AHRR: variants seen among roughly 807,000 people sequenced by gnomAD.
The protein encoded by AHRR is ahR repressor.
AHRR carries 28 observed loss-of-function variants against 44.0 expected under a neutral mutation model. That is an observed-to-expected ratio of 0.64 (90% CI 0.47 to 0.87). AHRR has a LOEUF of 0.87. Among genes scored for constraint, AHRR ranks in the 40% least tolerant of loss-of-function variants. The pLI, the probability that AHRR is intolerant of heterozygous loss-of-function variation, is 0.00. For synonymous variants in AHRR, 434 were observed against 407.0 expected (o/e 1.07, Z -0.80); for missense variants, 990 against 953.9 (o/e 1.04, Z -0.50).
At chr5:375,780 C>T (rs188279386) in intron 3 of AHRR, among the ~76,000 whole-genome samples, 64 of 152,252 alleles carry the variant, frequency 4.2e-4, no homozygotes, top group African/African-American at 1.5e-3. Context: ...GAGGGGTGTC[C>T]CTCCCATGTC....
At chr5:417,791 G>A (rs1307946110) in intron 5 of AHRR, among the ~76,000 whole-genome samples, 1 of 152,200 alleles carries the variant, frequency 6.6e-6, no homozygotes, top group African/African-American at 2.4e-5. Context: ...ATTAAATCAG[G>A]CATTGCCTCT....
rs1055458241 is a variant in AHRR at position 421,241 on chromosome 5, G to C, written c.442-1488G>C. The C allele has an allele frequency of 2.4e-5, 17 of 694,032 alleles. No homozygotes were observed. In the Admixed American group the frequency reaches 3.4e-4, roughly 14 times the overall value. 43.0% of individuals were successfully genotyped at this position (694,032 alleles called of 1,614,324 possible). A position where few individuals can be genotyped will look rare whatever the true frequency, so the allele number is the denominator to read the frequency against. On this transcript the variant is annotated intron_variant, in intron 5 of 10. Transcript: ENST00000684583. ...TCCTCGTCGGCAACGCCCACCCCGC[G>C]GTTCAGCCACGGAGCGGATGCCGTG...
rs753407501 is a variant in AHRR at position 405,635 on chromosome 5, CGGT to C, written c.352-7706_352-7704del. Among the ~76,000 whole-genome samples the C allele has an allele frequency of 2.6e-5, 4 of 152,194 alleles. No homozygotes were observed. In the East Asian group the frequency reaches 7.7e-4, roughly 29 times the overall value. The stretch of plus-strand genomic sequence containing the variant: ...CAAGTGGGCGGCACACCCTTCAGGT[CGGT>C]GGGAGTGAGGGCCTTCGGGTCGCCG... On this transcript the variant is annotated intron_variant, in intron 4 of 10. Coordinates refer to ENST00000684583, the MANE Select transcript of AHRR (RefSeq NM_001377236.1). The surrounding 1 kb of genome is among the most constrained non-coding windows in gnomAD (Gnocchi z 4.5).
At chr5:325,526 G>T (rs1741675643) in intron 1 of AHRR, among the ~76,000 whole-genome samples, 1 of 152,144 alleles carries the variant, frequency 6.6e-6, no homozygotes, top group Non-Finnish European at 1.5e-5. Flanking sequence ...CCTGGTTTCT[G>T]GGAGAAGTGC....
At chr5:324,017 T>TTCTTTC (rs1553975191) in intron 1 of AHRR, among the ~76,000 whole-genome samples, 8 of 142,432 alleles carry the variant, frequency 5.6e-5, no homozygotes, top group South Asian at 2.1e-4. Context: ...CTTTCTTTCT[T>TTCTTTC]TCTTTCTCTC....
intron 5 of AHRR, among the ~76,000 whole-genome samples, chr5:420,500 C>T (rs1736026902): frequency 6.6e-6 from 1 of 152,244 alleles, no homozygotes; most frequent in African/African-American, 2.4e-5. Flanking sequence ...GGGCAAGCTG[C>T]TTCCCTGCAG....
At chr5:343,796 G>T in intron 1 of AHRR, 97 bp from the exon 2 acceptor site, 1 of 1,291,770 alleles carries the variant, frequency 7.7e-7, no homozygotes, top group Non-Finnish European at 1.1e-6. Context: ...TCGCGGGTGT[G>T]GGGGCGCCAG....
chr5:395,562 C>T lies in AHRR; in HGVS notation c.352-17782C>T, dbSNP rs965149289. Among the ~76,000 whole-genome samples, 4 of 152,306 alleles carry T rather than the reference C, an allele frequency of 2.6e-5. No individual in the cohort carries two copies. Among genetic ancestry groups the T allele is most frequent in the Non-Finnish European group, 4.4e-5 (3 of 68,028 alleles). ...CACCCTGCCTGTGCCCAGTGGCAGC[C>T]GAGCAGGGCCTCACAAAAACAGCTG... On this transcript the variant is annotated intron_variant, in intron 4 of 10. Coordinates refer to ENST00000684583, the MANE Select transcript of AHRR (RefSeq NM_001377236.1). This position sits in a 1 kb window ranked among gnomAD's most constrained non-coding sequence, Gnocchi z 5.3.
chr5:351,047 A>G (rs922708868), intron 2 of AHRR, among the ~76,000 whole-genome samples: 2 of 151,968 alleles, frequency 1.3e-5, no homozygotes, highest in Non-Finnish European at 2.9e-5. Context: ...TCAAAACCGT[A>G]ACAAAATACC....
chr5:421,237 C>T (rs938292213), intron 5 of AHRR: 1 of 693,490 alleles, frequency 1.4e-6, no homozygotes, highest in Non-Finnish European at 2.6e-6. Flanking sequence ...AACGCCCACC[C>T]CGCGGTTCAG....
intron 2 of AHRR, among the ~76,000 whole-genome samples, chr5:345,675 G>C (rs1012867447): frequency 6.6e-6 from 1 of 151,830 alleles, no homozygotes; most frequent in Admixed American, 6.6e-5. Context: ...TCACAGCAAT[G>C]CCACCCTCAC....
intron 7 of AHRR, among the ~76,000 whole-genome samples, chr5:426,561 G>A (rs1736403172): frequency 6.6e-6 from 1 of 151,480 alleles, no homozygotes; most frequent in African/African-American, 2.4e-5. Flanking sequence ...ATGGATGGAT[G>A]AATGGGAAGA....
In AHRR at chr5:411,232, A is replaced by G. The variant is rs1560913398; in HGVS notation, c.352-2112A>G. ...CTCTCCAGTTTCTTGAGGAGGGACT[A>G]CATACATACTTTTGAAACAGTCATT... On this transcript the variant is annotated intron_variant, in intron 4 of 10. Coordinates refer to ENST00000684583, the MANE Select transcript of AHRR (RefSeq NM_001377236.1). This position sits in a 1 kb window ranked among gnomAD's most constrained non-coding sequence, Gnocchi z 4.2. Among the ~76,000 whole-genome samples, 1 of 152,012 alleles carries G rather than the reference A, an allele frequency of 6.6e-6. No individual in the cohort carries two copies.
intron 4 of AHRR, among the ~76,000 whole-genome samples, chr5:391,912 C>G (rs369292237): frequency 0.011 from 37 of 3,374 alleles, 1 homozygote; most frequent in South Asian, 0.015. Context: ...AGAGCGTGCA[C>G]GAACACACGG....
intron 3 of AHRR, among the ~76,000 whole-genome samples, chr5:374,132 G>C (rs1339033796): frequency 6.6e-6 from 1 of 152,076 alleles, no homozygotes; most frequent in Non-Finnish European, 1.5e-5. Context: ...TGGTCGGTCT[G>C]TGTGCGGGTG....
rs1253284395 is a variant in AHRR, at chr5:419,950, G to T, written c.442-2779G>T. ...TGGTTTAGAATAAGAACTCCGAAAG[G>T]TTCCTTGTGGATCCCCTTTTCTGGC... is the stretch of plus-strand genomic sequence containing the variant. On this transcript the variant is annotated intron_variant, in intron 5 of 10. Transcript: ENST00000684583. The surrounding 1 kb of genome is among the most constrained non-coding windows in gnomAD (Gnocchi z 4.4). Among the ~76,000 whole-genome samples the T allele has an allele frequency of 2.6e-5, 4 of 152,200 alleles. No homozygotes were observed. The highest frequency in any genetic ancestry group is 2.0e-4 in the Admixed American group (3 of 15,276).
chr5:418,043 C>T (rs76956441), intron 5 of AHRR, among the ~76,000 whole-genome samples: 3,259 of 152,272 alleles, frequency 0.021, 71 homozygotes, highest in Admixed American at 0.052. Flanking sequence ...GATTAGAGCT[C>T]GTCGATCAGA....
intron 4 of AHRR, among the ~76,000 whole-genome samples, chr5:391,389 A>AGGGCGCAGGGCGAGGC (rs1336601249): frequency 1.2e-5 from 1 of 80,646 alleles, no homozygotes; most frequent in African/African-American, 9.3e-5. Flanking sequence ...CAGGGCGAGG[A>AGGGCGCAGGGCGAGGC]GGGCGCAGGG....
At position 338,423 on chromosome 5, in the gene AHRR, T is replaced by C. The variant is rs538233440; in HGVS notation, c.-10-5470T>C. 6.6e-6 allele frequency among the ~76,000 whole-genome samples: 1 copy of C among 152,340 alleles called. No individual in the cohort carries two copies. Among genetic ancestry groups the C allele is most frequent in the African/African-American group, 2.4e-5 (1 of 41,580 alleles). On this transcript the variant is annotated intron_variant, in intron 1 of 10. Coordinates refer to ENST00000684583, the MANE Select transcript of AHRR (RefSeq NM_001377236.1). The surrounding 1 kb of genome is among the most constrained non-coding windows in gnomAD (Gnocchi z 4.1). ...GATGTTTTCATAAGATGTAGAATTC[T>C]AGGTTTCAGGGTTTTTTCTTTCAGC...
Sources: gnomAD v4.1 joint callset for allele counts (sites outside exome capture counted in the v4.1 genomes callset) on GRCh38, gnomAD v4.1.1 for gene constraint, Gnocchi (gnomAD v3.1) non-coding constraint, MANE v1.5 for transcripts, NCBI Gene and HGNC (gene_info 2026-07-23, HGNC 2026-07-21) for gene names.